The following LCT variants were observed in gnomAD, a reference collection of about 807,000 sequenced individuals.
The protein encoded by LCT is lactase/phlorizin hydrolase.
Under a neutral mutation model 173.0 loss-of-function variants are expected in LCT, and 90 were observed. The observed-to-expected ratio is 0.52, with a 90% confidence interval of 0.44 to 0.62. The LOEUF is 0.62. Among genes scored for constraint, LCT ranks in the 20% least tolerant of loss-of-function variants. The probability of loss-of-function intolerance (pLI) is 0.00; values close to 1 mark genes in which losing one functional copy is unlikely to be tolerated. For synonymous variants in LCT, 853 were observed against 957.6 expected (o/e 0.89, Z 2.02); for missense variants, 1,864 against 2,431.4 (o/e 0.77, Z 4.91).
intron 12 of LCT, among the ~76,000 whole-genome samples, chr2:135,799,514 A>G (rs190103182): frequency 8.9e-5 from 13 of 145,970 alleles, no homozygotes; most frequent in African/African-American, 3.1e-4. Flanking sequence ...GTCTCTCTCC[A>G]TTGCTCAGGC....
chr2:135,823,767 T>C (rs1276749518), intron 4 of LCT, 134 bp downstream of exon 4: 10 of 718,310 alleles, frequency 1.4e-5, no homozygotes, highest in Non-Finnish European at 2.0e-5. Flanking sequence ...ACTAACCCAG[T>C]CTGGGGTGGG....
Position 135,812,749 on chromosome 2 carries a change from C to A in LCT, c.1915G>T (p.Gly639Ter). The change falls in exon 7 of 17, where the codon GGA becomes TGA. Residue 639 changes from glycine to a stop codon, truncating the protein, a stop_gained. Coordinates refer to ENST00000264162, the MANE Select transcript of LCT (RefSeq NM_002299.4). LOFTEE classifies it high-confidence loss of function. ...GWFAHPVFVD[G>*]DYPATLRTQI... ...GTCCTCAGGGTGGCTGGGTAGTCTC[C>A]ATCCACAAAGACGGGGTGTGCAAAC... 1 of 1,614,174 alleles carries A rather than the reference C, an allele frequency of 6.2e-7. No homozygotes were observed. Among genetic ancestry groups the A allele is most frequent in the Non-Finnish European group, 8.5e-7 (1 of 1,180,026 alleles).
chr2:135,815,653 T>G (rs985722811), intron 6 of LCT, among the ~76,000 whole-genome samples: 3 of 152,052 alleles, frequency 2.0e-5, no homozygotes, highest in African/African-American at 7.2e-5. Flanking sequence ...TGACCCCTCT[T>G]TAACACCTAG....
intron 10 of LCT, 56 bp from the exon 11 acceptor site, chr2:135,804,184 A>T (rs1294611889): frequency 1.5e-6 from 2 of 1,373,366 alleles, no homozygotes; most frequent in Admixed American, 1.7e-5. Context: ...GGGAAGCCCT[A>T]GGTTAGATGT....
At chr2:135,807,875 C>T (rs1309594136) in intron 8 of LCT, among the ~76,000 whole-genome samples, 2 of 151,616 alleles carry the variant, frequency 1.3e-5, no homozygotes, top group Non-Finnish European at 2.9e-5. Context: ...TGCCTGTAAT[C>T]CTAACACTTT....
intron 13 of LCT, among the ~76,000 whole-genome samples, chr2:135,796,071 A>G (rs2077579527): frequency 6.6e-6 from 1 of 152,168 alleles, no homozygotes. Flanking sequence ...CTTAACCTGT[A>G]GATGGAGCAT....
At chr2:135,834,739 G>A (rs78141345) in intron 1 of LCT, among the ~76,000 whole-genome samples, 21,913 of 121,360 alleles carry the variant, frequency 0.18, 2,187 homozygotes, top group Middle Eastern at 0.39. Context: ...AGTGAGCCGA[G>A]ATCACACCAC....
chr2:135,810,712 A>T (rs1294831334), intron 7 of LCT, among the ~76,000 whole-genome samples: 1 of 144,002 alleles, frequency 6.9e-6, no homozygotes, highest in African/African-American at 2.6e-5. Flanking sequence ...CAACATGGCC[A>T]GACTCTGTCT....
In LCT at chr2:135,817,791, G is replaced by T; in HGVS notation, c.1257C>A (p.Thr419=). The T allele has an allele frequency of 1.9e-6, 3 of 1,614,006 alleles. No homozygotes were observed. The highest frequency in any genetic ancestry group is 2.5e-6 in the Non-Finnish European group (3 of 1,180,024). ...CCTCCAGCGTCGCTTGGCCCTCAGT[G>T]GTGTTCAGGGGCCTGCGTGGATCCC... ...SIWDPRRPLN[T]TEGQATLEVA... Residue 419 remains threonine (T), a synonymous_variant, in exon 6 of 17, where the codon ACC becomes ACA. Transcript: ENST00000264162.
At position 135,812,672 on chromosome 2, in the gene LCT, G is replaced by A. The variant is rs374703772; in HGVS notation, c.1992C>T (p.Pro664=). Reference sequence around the variant, plus strand: ...GCTGCTTCTCTGCCTCTGTGAACTCGGGGAGTTGAGCCACAGGATGGGAGC... The same window carrying A: ...GCTGCTTCTCTGCCTCTGTGAACTCAGGGAGTTGAGCCACAGGATGGGAGC... ...RQCSHPVAQL[P]EFTEAEKQLL... The change falls in exon 7 of 17, where the codon CCC becomes CCT. Residue 664 remains proline, a synonymous_variant. Transcript: ENST00000264162. 8.7e-6 allele frequency: 14 copies of A among 1,613,334 alleles called. No homozygotes were observed. Among genetic ancestry groups the A allele is most frequent in the Admixed American group, 8.3e-5 (5 of 60,010 alleles).
chr2:135,825,006 A>AG (rs1444286308), intron 3 of LCT, among the ~76,000 whole-genome samples: 5 of 151,716 alleles, frequency 3.3e-5, no homozygotes, highest in African/African-American at 1.2e-4. Flanking sequence ...AAAAAAAAAA[A>AG]AAAGAAAAAG....
intron 5 of LCT, chr2:135,820,377 T>G (rs538418561): frequency 6.6e-6 from 1 of 152,238 alleles, no homozygotes; most frequent in Non-Finnish European, 1.5e-5. Flanking sequence ...CCACAGCCAG[T>G]CCTTCTTGGC....
intron 16 of LCT, among the ~76,000 whole-genome samples, chr2:135,788,848 T>C (rs1184501304): frequency 6.6e-6 from 1 of 152,258 alleles, no homozygotes. Context: ...AATATTTGCA[T>C]ATACATAATG....
chr2:135,835,976 G>GTATATATA (rs745860913), intron 1 of LCT, among the ~76,000 whole-genome samples: 14 of 80,456 alleles, frequency 1.7e-4, no homozygotes, highest in East Asian at 9.2e-4. Context: ...ATACATGTGT[G>GTATATATA]TATATATATA....
At chr2:135,800,185 C>T (rs949973866) in intron 12 of LCT, among the ~76,000 whole-genome samples, 1 of 152,158 alleles carries the variant, frequency 6.6e-6, no homozygotes, top group Non-Finnish European at 1.5e-5. Context: ...AGATGATTTT[C>T]CCAAGCTCAC....
intron 9 of LCT, among the ~76,000 whole-genome samples, chr2:135,806,416 T>C (rs551008739): frequency 2.8e-4 from 42 of 152,318 alleles, no homozygotes; most frequent in African/African-American, 1.0e-3. Context: ...AAAAATAAAC[T>C]TAGTGTAGCT....
chr2:135,805,097 C>G (rs773406785), intron 9 of LCT, 40 bp from the exon 10 acceptor site: 3 of 1,578,342 alleles, frequency 1.9e-6, no homozygotes, highest in African/African-American at 1.3e-5. Flanking sequence ...GTCATTCAGT[C>G]AAGCACTCAC....
Position 135,812,553 on chromosome 2 carries a change from T to A in LCT, c.2111A>T (p.Asp704Val), listed in dbSNP as rs761742485. Residue 704 changes from aspartate to valine, a missense_variant, in exon 7 of 17, where the codon GAT becomes GTT. Physicochemically the swap from Asp to Val is radical, Grantham distance 152. Coordinates refer to ENST00000264162, the MANE Select transcript of LCT (RefSeq NM_002299.4). ...APQNTCIPSYDTIGGFSQHVN... is the reference protein window; with the variant it reads ...APQNTCIPSYVTIGGFSQHVN... Reference sequence around the variant, plus strand: ...GTGTTGGGAGAAGCCTCCAATGGTATCATAGCTAGGGATGCAGGTGTTTTG... The same window carrying A: ...GTGTTGGGAGAAGCCTCCAATGGTAACATAGCTAGGGATGCAGGTGTTTTG... 29 of 1,613,986 alleles carry A rather than the reference T, an allele frequency of 1.8e-5. No individual in the cohort carries two copies. Among genetic ancestry groups the A allele is most frequent in the Non-Finnish European group, 2.2e-5 (26 of 1,179,958 alleles).
chr2:135,809,567 T>A lies in LCT; in HGVS notation c.2780A>T (p.Lys927Ile). ...QIEGAWDADG[K>I]GPSIWDNFTH... The stretch of plus-strand genomic sequence containing the variant: ...AAAGTTATCCCAGATGCTGGGGCCT[T>A]TGCCATCGGCATCCCACGCGCCTTC... The change falls in exon 8 of 17, where the codon AAA becomes ATA. Residue 927 changes from lysine (K) to isoleucine (I), a missense_variant. Coordinates refer to ENST00000264162, the MANE Select transcript of LCT (RefSeq NM_002299.4). The surrounding 1 kb of genome is among the most constrained non-coding windows in gnomAD (Gnocchi z 5.5). The A allele has an allele frequency of 6.2e-7, 1 of 1,614,220 alleles. No individual in the cohort carries two copies. The highest frequency in any genetic ancestry group is 8.5e-7 in the Non-Finnish European group (1 of 1,180,036).
Sources: allele counts gnomAD v4.1 joint callset (sites outside exome capture counted in the v4.1 genomes callset), GRCh38; gene constraint gnomAD v4.1.1; non-coding constraint Gnocchi (gnomAD v3.1); transcripts MANE v1.5; gene names NCBI Gene and HGNC (gene_info 2026-07-23, HGNC 2026-07-21).